Variants in CDIN1 observed in about 807,000 individuals in gnomAD.
CDIN1 encodes CDAN1-interacting nuclease 1.
CDIN1 carries 33 observed loss-of-function variants against 45.3 expected under a neutral mutation model. The ratio of observed to expected loss-of-function variants is 0.73; its 90% CI spans 0.55 to 0.97. The LOEUF is 0.97. Among genes scored for constraint, CDIN1 ranks in the 50% least tolerant of loss-of-function variants. The pLI is 0.00. For missense variants in CDIN1, 303 were observed against 339.4 expected (o/e 0.89, Z 0.84); for synonymous variants, 118 against 124.4 (o/e 0.95, Z 0.34).
chr15:36,711,692 G>T (rs10468086), intron 10 of CDIN1, among the ~76,000 whole-genome samples: 1 of 152,052 alleles, frequency 6.6e-6, no homozygotes, highest in Non-Finnish European at 1.5e-5. Flanking sequence ...TTCATTTAGG[G>T]CATGATGTGT....
intron 10 of CDIN1, among the ~76,000 whole-genome samples, chr15:36,718,812 CTTTTTTT>C (rs3045909): frequency 6.2e-5 from 6 of 96,642 alleles, no homozygotes; most frequent in South Asian, 4.2e-4. Context: ...AATTTGTATG[CTTTTTTT>C]TTTTTTTTTT....
At chr15:36,806,007 G>GTAA (rs1284205538) in intron 10 of CDIN1, among the ~76,000 whole-genome samples, 3 of 152,156 alleles carry the variant, frequency 2.0e-5, no homozygotes, top group Non-Finnish European at 4.4e-5. Context: ...ATTGACAGAG[G>GTAA]TAATGTTACC....
intron 1 of CDIN1, among the ~76,000 whole-genome samples, chr15:36,615,610 A>G (rs1461852760): frequency 6.6e-6 from 1 of 152,230 alleles, no homozygotes; most frequent in Admixed American, 6.5e-5. Flanking sequence ...AGACTTATTT[A>G]TGGGCTCACT....
chr15:36,669,022 A>G (rs1160912724), intron 5 of CDIN1: 2 of 152,020 alleles, frequency 1.3e-5, no homozygotes, highest in African/African-American at 4.8e-5. Context: ...TTCGTTAGGT[A>G]CTCTTGAATT....
intron 1 of CDIN1, among the ~76,000 whole-genome samples, chr15:36,590,261 T>A (rs1489150594): frequency 6.6e-6 from 1 of 152,222 alleles, no homozygotes; most frequent in African/African-American, 2.4e-5. Flanking sequence ...CTGCAATTTT[T>A]CATCCAAAGT....
chr15:36,646,214 T>A (rs1210673677), intron 3 of CDIN1, among the ~76,000 whole-genome samples: 3 of 152,218 alleles, frequency 2.0e-5, no homozygotes, highest in Non-Finnish European at 4.4e-5. Flanking sequence ...ATAAAAATTT[T>A]ATGAATGAAA....
chr15:36,766,919 G>A (rs563273979), intron 10 of CDIN1, among the ~76,000 whole-genome samples: 2 of 152,178 alleles, frequency 1.3e-5, no homozygotes, highest in Non-Finnish European at 2.9e-5. Flanking sequence ...TGTTTTTGCT[G>A]TGCAGAAGCC....
In CDIN1 at chr15:36,808,479, G is replaced by A. The variant is rs761563025; in HGVS notation, c.*26G>A. The A allele has an allele frequency of 1.7e-4, 282 of 1,611,814 alleles. No individual in the cohort carries two copies. Among genetic ancestry groups the A allele is most frequent in the Non-Finnish European group, 2.3e-4 (268 of 1,178,812 alleles). ...CCCTGAAGATCCTGGAAGAGAAGCT[G>A]GGAGGAAAAGGTGAATCCGGAAGCA... On this transcript the variant is annotated 3_prime_UTR_variant, in exon 11 of 11. Transcript: ENST00000566621.
At chr15:36,786,407 G>A (rs556127963) in intron 10 of CDIN1, among the ~76,000 whole-genome samples, 83 of 152,184 alleles carry the variant, frequency 5.5e-4, no homozygotes, top group Non-Finnish European at 9.1e-4. Flanking sequence ...TTTTTTAATC[G>A]TAGTTGTTTG....
intron 8 of CDIN1, among the ~76,000 whole-genome samples, chr15:36,702,514 C>A (rs1256911318): frequency 6.6e-6 from 1 of 152,136 alleles, no homozygotes; most frequent in African/African-American, 2.4e-5. Context: ...CTGCTCCTGG[C>A]CCTCCCTCAC....
At chr15:36,681,971 A>G (rs1436111712) in intron 5 of CDIN1, among the ~76,000 whole-genome samples, 2 of 152,226 alleles carry the variant, frequency 1.3e-5, no homozygotes, top group Non-Finnish European at 2.9e-5. Context: ...AAAAGGAAAT[A>G]CGGCAAATGT....
chr15:36,609,106 G>A (rs1294299356), intron 1 of CDIN1, among the ~76,000 whole-genome samples: 2 of 152,078 alleles, frequency 1.3e-5, no homozygotes, highest in Non-Finnish European at 2.9e-5. Flanking sequence ...AACCTCACAC[G>A]CTCCGGTGAT....
intron 5 of CDIN1, among the ~76,000 whole-genome samples, chr15:36,679,053 C>G (rs1283406899): frequency 1.3e-5 from 2 of 152,178 alleles, no homozygotes; most frequent in African/African-American, 4.8e-5. Context: ...AACAAAGTTT[C>G]CAAGAGTGAC....
chr15:36,740,137 G>T (rs1244950701), intron 10 of CDIN1, among the ~76,000 whole-genome samples: 1 of 152,142 alleles, frequency 6.6e-6, no homozygotes, highest in Non-Finnish European at 1.5e-5. Flanking sequence ...GAGAAATTCT[G>T]TGTCAAGGAA....
rs1298514757 is a variant in CDIN1, at chr15:36,702,224, G to A, written c.544+4834G>A. The A allele has an allele frequency of 4.5e-6, 3 of 672,786 alleles. No homozygotes were observed. In the East Asian group the frequency reaches 8.1e-5, roughly 18 times the overall value. 41.7% of individuals were successfully genotyped at this position (672,786 alleles called of 1,614,324 possible). A position where few individuals can be genotyped will look rare whatever the true frequency, so the allele number is the denominator to read the frequency against. ...TTAAAAATATGATGCTGTTTTTAGAGTAACAGGAACATGAAATTGAGGGTG... is the reference window on the plus strand; with the variant it reads ...TTAAAAATATGATGCTGTTTTTAGAATAACAGGAACATGAAATTGAGGGTG... On this transcript the variant is annotated intron_variant, in intron 8 of 10. Transcript: ENST00000566621.
chr15:36,671,063 T>C (rs1236317505), intron 5 of CDIN1, among the ~76,000 whole-genome samples: 4 of 152,166 alleles, frequency 2.6e-5, no homozygotes, highest in Non-Finnish European at 2.9e-5. Context: ...TAGTTGTATC[T>C]GAAACAAGAA....
At position 36,711,712 on chromosome 15, in the gene CDIN1, A is replaced by G. The variant is rs911781022; in HGVS notation, c.716+1751A>G. Among the ~76,000 whole-genome samples, 6 of 152,202 alleles carry G rather than the reference A, an allele frequency of 3.9e-5. 1 individual carries two copies. Among genetic ancestry groups the G allele is most frequent in the Admixed American group, 3.9e-4 (6 of 15,262 alleles). On this transcript the variant is annotated intron_variant, in intron 10 of 10. Transcript: ENST00000566621. ...TTAGGGCATGATGTGTGATACGGGAATGTTAGCCTTGGTTTTAAATGGTCC... is the reference window on the plus strand; with the variant it reads ...TTAGGGCATGATGTGTGATACGGGAGTGTTAGCCTTGGTTTTAAATGGTCC...
chr15:36,689,124 T>G (rs1321608455), intron 5 of CDIN1, among the ~76,000 whole-genome samples: 1 of 152,230 alleles, frequency 6.6e-6, no homozygotes, highest in African/African-American at 2.4e-5. Flanking sequence ...ATTCAGACTT[T>G]TAAAAAAAAG....
At chr15:36,659,126 T>C (rs2040891794) in intron 5 of CDIN1, among the ~76,000 whole-genome samples, 2 of 152,306 alleles carry the variant, frequency 1.3e-5, no homozygotes, top group South Asian at 4.1e-4. Flanking sequence ...CTTGTCAAAA[T>C]AGTAGTCAGC....
Sources: gnomAD v4.1 joint callset for allele counts (sites outside exome capture counted in the v4.1 genomes callset) on GRCh38, gnomAD v4.1.1 for gene constraint, MANE v1.5 for transcripts, NCBI Gene and HGNC (gene_info 2026-07-23, HGNC 2026-07-21) for gene names.